Variants in DLG2 observed in about 807,000 individuals in gnomAD.
The protein encoded by DLG2 is discs large MAGUK scaffold protein 2.
Under a neutral mutation model 132.5 loss-of-function variants are expected in DLG2, and 45 were observed. The ratio of observed to expected loss-of-function variants is 0.34; its 90% CI spans 0.27 to 0.44. The LOEUF (loss-of-function observed/expected upper bound fraction) is 0.44. DLG2 is among the 20% of genes least tolerant of loss of function. DLG2 has a pLI of 1.00. For synonymous variants in DLG2, 424 were observed against 419.6 expected, an observed-to-expected ratio of 1.01 and a Z score of -0.13; for missense variants, 1,045 against 1,196.9, an observed-to-expected ratio of 0.87 and a Z score of 1.87.
chr11:85,045,813 T>G (rs2062285410), intron 6 of DLG2, among the ~76,000 whole-genome samples: 1 of 152,082 alleles, frequency 6.6e-6, no homozygotes, highest in African/African-American at 2.4e-5. Flanking sequence ...TTTTCAACTA[T>G]TCTAGAAGGC....
chr11:84,445,437 G>A (rs1433833217), intron 7 of DLG2, among the ~76,000 whole-genome samples: 2 of 152,122 alleles, frequency 1.3e-5, no homozygotes, highest in Non-Finnish European at 2.9e-5. Flanking sequence ...TTTTCCCTCA[G>A]AGCTTTGAAG....
intron 7 of DLG2, among the ~76,000 whole-genome samples, chr11:84,382,211 G>GT (rs2098751163): frequency 2.0e-5 from 3 of 152,090 alleles, no homozygotes; most frequent in Admixed American, 2.0e-4. Context: ...AATGTCTACA[G>GT]TGGTGCCAGT....
intron 6 of DLG2, among the ~76,000 whole-genome samples, chr11:84,660,556 C>G (rs1014883134): frequency 2.0e-5 from 3 of 152,136 alleles, no homozygotes; most frequent in South Asian, 4.1e-4. Context: ...AGTAGAAATG[C>G]TAGAATCTGA....
chr11:85,409,599 G>A (rs531310831), intron 3 of DLG2, among the ~76,000 whole-genome samples: 70 of 151,806 alleles, frequency 4.6e-4, no homozygotes, highest in African/African-American at 9.2e-4. Flanking sequence ...ATTGTAGTCC[G>A]GTTACACATT....
chr11:85,050,710 C>T (rs956778886), intron 6 of DLG2, among the ~76,000 whole-genome samples: 8 of 152,042 alleles, frequency 5.3e-5, no homozygotes, highest in Admixed American at 2.0e-4. Flanking sequence ...TTATATAAAA[C>T]GATGTGATTT....
chr11:85,055,780 T>TA (rs1281908749), intron 6 of DLG2, among the ~76,000 whole-genome samples: 5 of 151,858 alleles, frequency 3.3e-5, no homozygotes, highest in African/African-American at 7.2e-5. Flanking sequence ...TGCTGGAGAG[T>TA]AAAAAAATGG....
intron 15 of DLG2, among the ~76,000 whole-genome samples, chr11:83,925,818 T>C (rs997017356): frequency 2.6e-5 from 4 of 152,132 alleles, no homozygotes; most frequent in Admixed American, 6.6e-5. Flanking sequence ...CCAAGAATAC[T>C]ATTCTCCTTG....
chr11:85,154,638 C>T lies in DLG2; in HGVS notation c.200G>A (p.Ser67Asn), dbSNP rs1457434237. ...ACATGAAGCATTTTCCTTTGATCCA[C>T]TGCAATCTGTAAGCTAAAATAAAAG... ...LQKSSELTDC[S>N]GSKENASCIE... Residue 67 changes from serine (S) to asparagine (N), a missense_variant, in exon 5 of 28, where the codon AGT (serine) becomes AAT (asparagine). This residue lies in a region of DLG2 where 277 missense variants were observed against 238.2 expected (regional missense o/e 1.16). Transcript: ENST00000376104. 2 of 1,503,728 alleles carry T rather than the reference C, an allele frequency of 1.3e-6. No homozygotes were observed. The highest frequency in any genetic ancestry group is 2.5e-5 in the South Asian group (2 of 80,402). The allele number at this position is 1,503,728 out of a possible 1,614,324, so 93.1% of individuals were successfully genotyped here.
intron 7 of DLG2, among the ~76,000 whole-genome samples, chr11:84,377,698 T>C (rs1440821142): frequency 6.6e-6 from 1 of 152,168 alleles, no homozygotes; most frequent in Non-Finnish European, 1.5e-5. Context: ...GACTTCTATA[T>C]CACAAAAGTC....
At chr11:84,345,551 G>A (rs2098535581) in intron 7 of DLG2, among the ~76,000 whole-genome samples, 1 of 152,168 alleles carries the variant, frequency 6.6e-6, no homozygotes, top group South Asian at 2.1e-4. Context: ...AATATCCCAA[G>A]AGAAAGAGTC....
At chr11:84,805,019 G>C (rs1021055889) in intron 6 of DLG2, among the ~76,000 whole-genome samples, 5 of 152,114 alleles carry the variant, frequency 3.3e-5, no homozygotes, top group African/African-American at 7.2e-5. Context: ...ATCAGAAGAG[G>C]CCTTCTGGAG....
At chr11:84,315,361 T>A (rs1334926385) in intron 7 of DLG2, among the ~76,000 whole-genome samples, 6 of 152,156 alleles carry the variant, frequency 3.9e-5, no homozygotes, top group Non-Finnish European at 5.9e-5. Flanking sequence ...CATCTTGGAT[T>A]AAAATAATTG....
Position 83,459,507 on chromosome 11 carries a change from G to A in DLG2, c.*311C>T, listed in dbSNP as rs1051511453. 12 of 210,142 alleles carry A rather than the reference G, an allele frequency of 5.7e-5. No homozygotes were observed. The highest frequency in any genetic ancestry group is 2.5e-4 in the African/African-American group (11 of 43,718). 13.0% of individuals were successfully genotyped at this position (210,142 alleles called of 1,614,324 possible). The stretch of plus-strand genomic sequence containing the variant: ...AGAGCTCTGCAGCTAAATCAGCTCT[G>A]GACATCTGCTGGGGTGAGGAGGCTC... On this transcript the variant is annotated 3_prime_UTR_variant, in exon 28 of 28. Coordinates refer to ENST00000376104, the MANE Select transcript of DLG2 (RefSeq NM_001142699.3).
chr11:84,767,310 A>G (rs2068570644), intron 6 of DLG2, among the ~76,000 whole-genome samples: 2 of 152,048 alleles, frequency 1.3e-5, no homozygotes, highest in East Asian at 1.9e-4. Flanking sequence ...CTAAAATTTC[A>G]TATTAGATTG....
rs77110533 is a variant in DLG2, at chr11:83,528,387, C to T, written c.2193+4321G>A. 4.9e-3 allele frequency among the ~76,000 whole-genome samples: 748 copies of T among 152,260 alleles called. 4 individuals are homozygous for T. The highest frequency in any genetic ancestry group is 0.016 in the African/African-American group (685 of 41,570). ...TGGCCTTTCTGACCTTCTTTGTCAACCTCATTTGCTACAATTCCCACCATG... is the reference window on the plus strand; with the variant it reads ...TGGCCTTTCTGACCTTCTTTGTCAATCTCATTTGCTACAATTCCCACCATG... On this transcript the variant is annotated intron_variant, in intron 21 of 27. Coordinates refer to ENST00000376104, the MANE Select transcript of DLG2 (RefSeq NM_001142699.3).
At chr11:83,963,917 A>G (rs1011395337) in intron 13 of DLG2, among the ~76,000 whole-genome samples, 5 of 151,968 alleles carry the variant, frequency 3.3e-5, no homozygotes, top group African/African-American at 1.2e-4. Context: ...CTGATGTTCC[A>G]AAGACAGATG....
Position 83,694,964 on chromosome 11 carries a change from G to A in DLG2, c.1826-61639C>T, listed in dbSNP as rs143573658. On this transcript the variant is annotated intron_variant, in intron 18 of 27. Coordinates refer to ENST00000376104, the MANE Select transcript of DLG2 (RefSeq NM_001142699.3). Reference sequence around the variant, plus strand: ...CTTCAGAGACACATTCAGTGGCCCCGTCTACTTTGCATTACCAATATGCTG... The same window carrying A: ...CTTCAGAGACACATTCAGTGGCCCCATCTACTTTGCATTACCAATATGCTG... Among the ~76,000 whole-genome samples the A allele has an allele frequency of 9.1e-4, 138 of 152,298 alleles. 1 individual carries two copies. Among genetic ancestry groups the A allele is most frequent in the South Asian group, 8.9e-3 (43 of 4,822 alleles).
intron 8 of DLG2, among the ~76,000 whole-genome samples, chr11:84,205,676 A>AT (rs1012881876): frequency 6.6e-6 from 1 of 152,106 alleles, no homozygotes; most frequent in Non-Finnish European, 1.5e-5. Flanking sequence ...TAGATAACAA[A>AT]TTTTTTTGGA....
At chr11:83,552,599 T>G (rs947123282) in intron 19 of DLG2, among the ~76,000 whole-genome samples, 4 of 152,126 alleles carry the variant, frequency 2.6e-5, no homozygotes, top group Non-Finnish European at 4.4e-5. Context: ...CAGCCTGATC[T>G]TTAGGCATTT....
Sources: gnomAD v4.1 joint callset for allele counts (sites outside exome capture counted in the v4.1 genomes callset) on GRCh38, gnomAD v4.1.1 for gene constraint, gnomAD v4.1.1 regional missense constraint, MANE v1.5 for transcripts, NCBI Gene and HGNC (gene_info 2026-07-23, HGNC 2026-07-21) for gene names.